The following CRB1 variants were observed in gnomAD, a reference collection of about 807,000 sequenced individuals.
CRB1 encodes protein crumbs homolog 1.
CRB1 carries 83 observed loss-of-function variants against 120.0 expected under a neutral mutation model. That is an observed-to-expected ratio of 0.69 (90% CI 0.58 to 0.83). CRB1 has a LOEUF of 0.83. Ranked by LOEUF, CRB1 falls within the 40% of genes least tolerant of loss-of-function variation. The pLI, the probability that CRB1 is intolerant of heterozygous loss-of-function variation, is 0.00. For missense variants in CRB1, 1,699 were observed against 1,687.6 expected (o/e 1.01, Z -0.12); for synonymous variants, 625 against 612.5 (o/e 1.02, Z -0.30).
At chr1:197,356,798 A>G in intron 4 of CRB1, 33 bp from the exon 5 acceptor site, 1 of 1,611,780 alleles carries the variant, frequency 6.2e-7, no homozygotes, top group Admixed American at 1.7e-5. Flanking sequence ...AACACCTTTG[A>G]CTTAGCAGCT....
intron 5 of CRB1, among the ~76,000 whole-genome samples, chr1:197,398,710 G>A (rs553098522): frequency 6.6e-6 from 1 of 152,104 alleles, no homozygotes; most frequent in African/African-American, 2.4e-5. Flanking sequence ...GATTATTTCA[G>A]CTTGGAAAAT....
At chr1:197,454,961 C>T (rs1571601440) in intron 11 of CRB1, among the ~76,000 whole-genome samples, 2 of 152,030 alleles carry the variant, frequency 1.3e-5, no homozygotes, top group East Asian at 1.9e-4. Flanking sequence ...TACATAGCTT[C>T]GTACATAAGA....
In CRB1 at chr1:197,434,875, A is replaced by G; in HGVS notation, c.3012A>G (p.Gln1004=). 1.2e-6 allele frequency: 2 copies of G among 1,613,860 alleles called. No individual in the cohort carries two copies. Among genetic ancestry groups the G allele is most frequent in the Non-Finnish European group, 1.7e-6 (2 of 1,179,836 alleles). The part of the protein sequence containing the change: ...KEPEFLNISI[Q]DSRLFFQLQS... ...CTGAATTTCTTAATATTAGCATTCA[A>G]GATTCCAGATTATTCTTTCAATTGC... Residue 1004 remains glutamine (Q), a synonymous_variant, in exon 9 of 12, where the codon CAA becomes CAG. Transcript: ENST00000367400.
chr1:197,285,271 A>G (rs1655759497), intron 1 of CRB1, among the ~76,000 whole-genome samples: 1 of 151,918 alleles, frequency 6.6e-6, no homozygotes, highest in Non-Finnish European at 1.5e-5. Context: ...ATTTTTTATA[A>G]TAAATAACCA....
At chr1:197,456,845 A>G (rs943322388) in intron 11 of CRB1, among the ~76,000 whole-genome samples, 6 of 152,138 alleles carry the variant, frequency 3.9e-5, no homozygotes, top group Admixed American at 6.6e-5. Flanking sequence ...ACAGCCAAGG[A>G]CACTCTCAAG....
chr1:197,252,778 C>T, the CRB1 span, among the ~76,000 whole-genome samples: 1 of 151,016 alleles, frequency 6.6e-6, no homozygotes, highest in Non-Finnish European at 1.5e-5. Context: ...CAGCTCAAGT[C>T]CGAAGGCCAG....
rs576500209 is a variant in CRB1 at position 197,397,731 on chromosome 1, T to A, written c.1172-23269T>A. On this transcript the variant is annotated intron_variant, in intron 5 of 11. Transcript: ENST00000367400. ...TTCAAAAGGCTATATATTGTATGAC[T>A]CCATTCATATTGCATCTGGAAAGGG... Among the ~76,000 whole-genome samples, 12 of 152,248 alleles carry A rather than the reference T, an allele frequency of 7.9e-5. No individual in the cohort carries two copies. In the South Asian group the frequency reaches 1.9e-3, roughly 24 times the overall value.
intron 11 of CRB1, among the ~76,000 whole-genome samples, chr1:197,455,146 G>T (rs1224304525): frequency 6.6e-6 from 1 of 151,966 alleles, no homozygotes; most frequent in Non-Finnish European, 1.5e-5. Context: ...ATACTGTTCT[G>T]GGCAAACTAG....
intron 6 of CRB1, among the ~76,000 whole-genome samples, chr1:197,426,539 C>T (rs1003505171): frequency 2.0e-5 from 3 of 152,070 alleles, no homozygotes; most frequent in Non-Finnish European, 4.4e-5. Context: ...ACTATGTCAC[C>T]CATATTTTAC....
intron 1 of CRB1, among the ~76,000 whole-genome samples, chr1:197,311,903 C>T (rs1204431790): frequency 1.3e-5 from 2 of 152,050 alleles, no homozygotes; most frequent in African/African-American, 4.8e-5. Context: ...ATGCTGGATT[C>T]TTTTGCTCAT....
chr1:197,215,295 G>C, the CRB1 span, among the ~76,000 whole-genome samples: 14 of 73,996 alleles, frequency 1.9e-4, no homozygotes, highest in Admixed American at 5.6e-4. Context: ...TTTTTTTTTT[G>C]AGACGCAGTT....
chr1:197,215,600 GT>G, the CRB1 span, among the ~76,000 whole-genome samples: 5 of 152,096 alleles, frequency 3.3e-5, no homozygotes, highest in Non-Finnish European at 5.9e-5. Flanking sequence ...CAGCAAAGTA[GT>G]TACCTCCATG....
intron 11 of CRB1, among the ~76,000 whole-genome samples, chr1:197,473,639 C>T (rs542862252): frequency 7.9e-5 from 12 of 151,214 alleles, no homozygotes; most frequent in African/African-American, 2.7e-4. Context: ...AACAATTCTA[C>T]ATTATATTTA....
chr1:197,258,946 A>C, the CRB1 span, among the ~76,000 whole-genome samples: 1 of 152,244 alleles, frequency 6.6e-6, no homozygotes, highest in Non-Finnish European at 1.5e-5. Flanking sequence ...GCAATATTGA[A>C]AAGGTATCAA....
intron 9 of CRB1, among the ~76,000 whole-genome samples, chr1:197,437,801 A>G (rs145456647): frequency 6.6e-6 from 1 of 152,276 alleles, no homozygotes; most frequent in Non-Finnish European, 1.5e-5. Flanking sequence ...ATCTGATACC[A>G]TGCACATACA....
chr1:197,453,303 GTA>G (rs941425271), intron 11 of CRB1, among the ~76,000 whole-genome samples: 11 of 23,504 alleles, frequency 4.7e-4, no homozygotes, highest in Non-Finnish European at 1.5e-3. Flanking sequence ...TAGTATATAA[GTA>G]TATATATTTA....
intron 1 of CRB1, among the ~76,000 whole-genome samples, chr1:197,298,235 ATC>A (rs1172986207): frequency 6.6e-6 from 1 of 152,166 alleles, no homozygotes; most frequent in Non-Finnish European, 1.5e-5. Flanking sequence ...AAGTAAAAGA[ATC>A]TTATTCTGAG....
the CRB1 span, among the ~76,000 whole-genome samples, chr1:197,257,630 C>T: frequency 1.3e-5 from 2 of 152,172 alleles, no homozygotes; most frequent in African/African-American, 2.4e-5. Context: ...TTTATATTTA[C>T]AGACTTCAGT....
At chr1:197,230,227 T>C in the CRB1 span, among the ~76,000 whole-genome samples, 3 of 152,182 alleles carry the variant, frequency 2.0e-5, no homozygotes, top group African/African-American at 7.2e-5. Flanking sequence ...ATTCAGATAA[T>C]TGTTAGAATT....
Sources: gnomAD v4.1 joint callset for allele counts (sites outside exome capture counted in the v4.1 genomes callset) on GRCh38, gnomAD v4.1.1 for gene constraint, MANE v1.5 for transcripts, NCBI Gene and HGNC (gene_info 2026-07-23, HGNC 2026-07-21) for gene names.